The following PAPPA2 variants were observed in gnomAD, a reference collection of about 807,000 sequenced individuals.
PAPPA2 encodes the protein pappalysin-2.
Under a neutral mutation model 176.4 loss-of-function variants are expected in PAPPA2, and 86 were observed. The ratio of observed to expected loss-of-function variants is 0.49; its 90% CI spans 0.41 to 0.58. The LOEUF is 0.58. Ranked by LOEUF, PAPPA2 falls within the 20% of genes least tolerant of loss-of-function variation. The pLI is 0.00. For missense variants in PAPPA2, 2,073 were observed against 2,256.9 expected (o/e 0.92, Z 1.65); for synonymous variants, 809 against 852.2 (o/e 0.95, Z 0.88).
At chr1:176,740,524 A>T (rs1202841863) in intron 14 of PAPPA2, among the ~76,000 whole-genome samples, 1 of 152,180 alleles carries the variant, frequency 6.6e-6, no homozygotes, top group African/African-American at 2.4e-5. Flanking sequence ...CTCTGCCAAA[A>T]ACTCAATGTT....
chr1:176,668,334 C>T (rs907676855), intron 3 of PAPPA2, among the ~76,000 whole-genome samples: 1 of 152,144 alleles, frequency 6.6e-6, no homozygotes, highest in African/African-American at 2.4e-5. Context: ...TAATGCAGTT[C>T]ATCCCCTTTT....
chr1:176,809,546 C>T (rs1457411275), intron 21 of PAPPA2, among the ~76,000 whole-genome samples: 1 of 152,132 alleles, frequency 6.6e-6, no homozygotes, highest in Non-Finnish European at 1.5e-5. Context: ...GTGTCTGGGA[C>T]ACGTGCTTAT....
At chr1:176,710,734 C>T (rs1016725720) in intron 11 of PAPPA2, among the ~76,000 whole-genome samples, 1 of 152,270 alleles carries the variant, frequency 6.6e-6, no homozygotes, top group African/African-American at 2.4e-5. Context: ...ATAGGCAATA[C>T]AGCCCTTTCA....
chr1:176,697,468 G>C (rs923087404), intron 7 of PAPPA2, among the ~76,000 whole-genome samples: 1 of 152,138 alleles, frequency 6.6e-6, no homozygotes, highest in African/African-American at 2.4e-5. Flanking sequence ...TTGAAAAGGT[G>C]AAGAACCAGG....
At chr1:176,474,046 G>A (rs557778225) in intron 1 of PAPPA2, among the ~76,000 whole-genome samples, 1 of 152,136 alleles carries the variant, frequency 6.6e-6, no homozygotes, top group Non-Finnish European at 1.5e-5. Flanking sequence ...TATTACTTCT[G>A]TTTACCTCAT....
intron 2 of PAPPA2, among the ~76,000 whole-genome samples, chr1:176,575,561 T>G (rs1437611745): frequency 6.6e-6 from 1 of 152,214 alleles, no homozygotes; most frequent in Non-Finnish European, 1.5e-5. Flanking sequence ...CGTGATTCAC[T>G]CATGAATTTG....
At chr1:176,565,133 A>G (rs994573486) in intron 2 of PAPPA2, among the ~76,000 whole-genome samples, 2 of 152,174 alleles carry the variant, frequency 1.3e-5, no homozygotes, top group Non-Finnish European at 2.9e-5. Flanking sequence ...ATTGTTAAGT[A>G]ATATCCCATG....
At chr1:176,703,019 G>A (rs916766818) in intron 9 of PAPPA2, among the ~76,000 whole-genome samples, 3 of 152,078 alleles carry the variant, frequency 2.0e-5, no homozygotes, top group Admixed American at 1.3e-4. Flanking sequence ...GAGGTATTGA[G>A]GCCGATTATC....
chr1:176,607,010 G>T (rs1654654067), intron 3 of PAPPA2, among the ~76,000 whole-genome samples: 1 of 151,536 alleles, frequency 6.6e-6, no homozygotes, highest in Non-Finnish European at 1.5e-5. Context: ...ATGATATATG[G>T]ATATATACAT....
At chr1:176,544,808 G>C (rs1465870357) in intron 1 of PAPPA2, among the ~76,000 whole-genome samples, 1 of 152,098 alleles carries the variant, frequency 6.6e-6, no homozygotes, top group Non-Finnish European at 1.5e-5. Context: ...TCCCTCTTTA[G>C]GTTCAATCAT....
At chr1:176,752,351 A>T (rs1225976072) in intron 14 of PAPPA2, among the ~76,000 whole-genome samples, 3 of 151,420 alleles carry the variant, frequency 2.0e-5, no homozygotes, top group African/African-American at 7.3e-5. Flanking sequence ...ATAAAAAAAA[A>T]AAAAAAAAAA....
intron 3 of PAPPA2, among the ~76,000 whole-genome samples, chr1:176,597,214 C>T (rs10489478): frequency 0.17 from 25,255 of 152,114 alleles, 2,211 homozygotes; most frequent in Middle Eastern, 0.23. Context: ...ACGCAAGTCA[C>T]GTTCGGAAAC....
At chr1:176,568,991 C>G (rs1050685261) in intron 2 of PAPPA2, among the ~76,000 whole-genome samples, 3 of 152,168 alleles carry the variant, frequency 2.0e-5, no homozygotes, top group African/African-American at 7.2e-5. Flanking sequence ...ATATGAGACC[C>G]TACTTACCTT....
chr1:176,491,166 C>T (rs931229168), intron 1 of PAPPA2, among the ~76,000 whole-genome samples: 10 of 152,148 alleles, frequency 6.6e-5, no homozygotes, highest in Admixed American at 6.5e-4. Flanking sequence ...TGGCTAAGTG[C>T]CAGGCACTAT....
chr1:176,496,412 G>A (rs1184352485), intron 1 of PAPPA2, among the ~76,000 whole-genome samples: 1 of 152,112 alleles, frequency 6.6e-6, no homozygotes, highest in African/African-American at 2.4e-5. Context: ...AATTCTACAG[G>A]CAAAAATGGG....
intron 21 of PAPPA2, among the ~76,000 whole-genome samples, chr1:176,824,395 A>G (rs1314956263): frequency 6.6e-6 from 1 of 152,200 alleles, no homozygotes; most frequent in African/African-American, 2.4e-5. Flanking sequence ...AGTAGTTAAT[A>G]AATATTCACA....
Position 176,740,213 on chromosome 1 carries a change from C to A in PAPPA2, c.4151+17C>A. ...GGGACAGAGGTACAAACTTCCCTTT[C>A]TTTCTTTTGTTTCCTTTTCTTGTGG... On this transcript the variant is annotated intron_variant, in intron 14 of 22. Coordinates refer to ENST00000367662, the MANE Select transcript of PAPPA2 (RefSeq NM_020318.3). 2 of 1,605,382 alleles carry A rather than the reference C, an allele frequency of 1.2e-6. No individual in the cohort carries two copies. The highest frequency in any genetic ancestry group is 1.7e-6 in the Non-Finnish European group (2 of 1,173,182).
chr1:176,753,877 T>C (rs1205731567), intron 14 of PAPPA2, among the ~76,000 whole-genome samples: 1 of 152,098 alleles, frequency 6.6e-6, no homozygotes, highest in East Asian at 1.9e-4. Context: ...CCTTTTCCCA[T>C]AATGATTTGT....
intron 3 of PAPPA2, among the ~76,000 whole-genome samples, chr1:176,620,094 G>C (rs1032287342): frequency 6.6e-6 from 1 of 152,180 alleles, no homozygotes; most frequent in South Asian, 2.1e-4. Context: ...TGCCTGGTGA[G>C]CATCAGCTTT....
Sources: gnomAD v4.1 joint callset for allele counts (sites outside exome capture counted in the v4.1 genomes callset) on GRCh38, gnomAD v4.1.1 for gene constraint, MANE v1.5 for transcripts, NCBI Gene and HGNC (gene_info 2026-07-23, HGNC 2026-07-21) for gene names.